HMGCLL1: variants seen among roughly 807,000 people sequenced by gnomAD.
HMGCLL1 encodes the protein 3-hydroxymethyl-3-methylglutaryl-CoA lyase, cytoplasmic.
Under a neutral mutation model 39.1 loss-of-function variants are expected in HMGCLL1, and 36 were observed. The observed-to-expected ratio is 0.92, with a 90% CI of 0.71 to 1.22. The LOEUF is 1.22. HMGCLL1 is among the 50% of genes most tolerant of loss of function. HMGCLL1 has a pLI of 0.00. For missense variants in HMGCLL1, 451 were observed against 416.5 expected (o/e 1.08, Z -0.72); for synonymous variants, 149 against 144.0 (o/e 1.03, Z -0.25).
the HMGCLL1 span, among the ~76,000 whole-genome samples, chr6:55,627,855 T>C: frequency 0.29 from 25,397 of 89,038 alleles, 4,393 homozygotes; most frequent in East Asian, 0.39. Flanking sequence ...CTTGTGATCA[T>C]GTAAGTTAAT....
At chr6:55,451,169 A>G (rs934916838) in intron 7 of HMGCLL1, among the ~76,000 whole-genome samples, 2 of 152,178 alleles carry the variant, frequency 1.3e-5, no homozygotes, top group Admixed American at 6.5e-5. Flanking sequence ...GACAATATCT[A>G]TTCAGGTGGA....
At chr6:55,650,090 CATATATATATATAT>C in the HMGCLL1 span, among the ~76,000 whole-genome samples, 187 of 52,260 alleles carry the variant, frequency 3.6e-3, 11 homozygotes, top group Admixed American at 7.9e-3. Flanking sequence ...CACACATATA[CATATATATATATAT>C]ATATATATAT....
intron 7 of HMGCLL1, among the ~76,000 whole-genome samples, chr6:55,455,788 A>G (rs1394680157): frequency 2.0e-5 from 3 of 152,186 alleles, no homozygotes; most frequent in African/African-American, 7.2e-5. Context: ...ATTAAAAGAC[A>G]ATCTAAAGGT....
At chr6:55,645,421 C>T in the HMGCLL1 span, among the ~76,000 whole-genome samples, 1 of 151,924 alleles carries the variant, frequency 6.6e-6, no homozygotes, top group Non-Finnish European at 1.5e-5. Context: ...CTAGCTAAGA[C>T]TTCCAAGTAC....
chr6:55,583,142 G>A (rs752796013), upstream of HMGCLL1, among the ~76,000 whole-genome samples: 1 of 151,968 alleles, frequency 6.6e-6, no homozygotes, highest in African/African-American at 2.4e-5. Context: ...AAATTTGCAT[G>A]CTTGGTAATT....
chr6:55,490,732 A>G (rs569866256), intron 7 of HMGCLL1, among the ~76,000 whole-genome samples: 7 of 152,298 alleles, frequency 4.6e-5, no homozygotes, highest in African/African-American at 1.7e-4. Context: ...TTTTCCAACT[A>G]TCCATATTAC....
In HMGCLL1 at chr6:55,520,246, TAATAAATAAATA is replaced by T. The variant is rs34163936; in HGVS notation, c.298-3655_298-3644del. Among the ~76,000 whole-genome samples the T allele has an allele frequency of 2.3e-4, 33 of 143,960 alleles. No individual in the cohort carries two copies. In the East Asian group the frequency reaches 4.3e-3, roughly 19 times the overall value. The allele number at this position is 143,960 out of a possible 152,430, so 94.4% of individuals were successfully genotyped here. On this transcript the variant is annotated intron_variant, in intron 3 of 8. Coordinates refer to ENST00000274901, the MANE Select transcript of HMGCLL1 (RefSeq NM_001042406.2). ...ATGTACCCCAGATCTTAAAGTATAATAATAAATAAATAAATAAATAAATAAATAAATAAAAGA... is the reference window on the plus strand; with the variant it reads ...ATGTACCCCAGATCTTAAAGTATAATAATAAATAAATAAATAAATAAAAGA...
the HMGCLL1 span, among the ~76,000 whole-genome samples, chr6:55,619,713 C>A: frequency 0.094 from 14,329 of 152,060 alleles, 776 homozygotes; most frequent in East Asian, 0.17. Flanking sequence ...CAATTATACT[C>A]TTTAAGTCAT....
chr6:55,669,485 T>G, the HMGCLL1 span, among the ~76,000 whole-genome samples: 1 of 151,666 alleles, frequency 6.6e-6, no homozygotes, highest in Admixed American at 6.6e-5. Context: ...ACTTGGATTA[T>G]GAAGAAAAAA....
At chr6:55,592,773 T>C in the HMGCLL1 span, among the ~76,000 whole-genome samples, 1 of 152,194 alleles carries the variant, frequency 6.6e-6, no homozygotes, top group African/African-American at 2.4e-5. Context: ...AAGTGGACAC[T>C]AATTCATGAG....
chr6:55,593,982 T>A, the HMGCLL1 span, among the ~76,000 whole-genome samples: 1 of 152,174 alleles, frequency 6.6e-6, no homozygotes, highest in Admixed American at 6.5e-5. Flanking sequence ...TACTTATATA[T>A]ACTTCCCTCC....
At chr6:55,440,687 G>A (rs752311461) in intron 7 of HMGCLL1, among the ~76,000 whole-genome samples, 36 of 152,190 alleles carry the variant, frequency 2.4e-4, no homozygotes, top group Admixed American at 7.2e-4. Flanking sequence ...GCACCTGGAA[G>A]CAGAGCTCTT....
chr6:55,438,713 T>A (rs1225883636), intron 8 of HMGCLL1, among the ~76,000 whole-genome samples: 1 of 151,982 alleles, frequency 6.6e-6, no homozygotes, highest in African/African-American at 2.4e-5. Context: ...AAAGGAGGAA[T>A]AGGAGCAGCA....
At chr6:55,518,267 G>T (rs937891575) in intron 3 of HMGCLL1, among the ~76,000 whole-genome samples, 1 of 152,096 alleles carries the variant, frequency 6.6e-6, no homozygotes, top group African/African-American at 2.4e-5. Flanking sequence ...AAATATACTG[G>T]TTGTAAATGA....
At chr6:55,533,661 C>T (rs550046614) in intron 3 of HMGCLL1, among the ~76,000 whole-genome samples, 4 of 151,578 alleles carry the variant, frequency 2.6e-5, no homozygotes, top group South Asian at 2.1e-4. Flanking sequence ...CCGAGGCGGG[C>T]GGATCACGAG....
At chr6:55,534,967 A>G (rs1768929202) in intron 3 of HMGCLL1, among the ~76,000 whole-genome samples, 1 of 152,226 alleles carries the variant, frequency 6.6e-6, no homozygotes, top group East Asian at 1.9e-4. Context: ...TGTGGAGTCT[A>G]TGGTTCATGC....
intron 3 of HMGCLL1, among the ~76,000 whole-genome samples, chr6:55,530,346 C>T (rs1261945847): frequency 6.6e-6 from 1 of 151,548 alleles, no homozygotes; most frequent in African/African-American, 2.4e-5. Flanking sequence ...TTAAATTTGT[C>T]CAAGACATTT....
the HMGCLL1 span, among the ~76,000 whole-genome samples, chr6:55,603,892 G>C: frequency 1.3e-5 from 2 of 152,046 alleles, no homozygotes; most frequent in African/African-American, 4.8e-5. Flanking sequence ...TGGTTTTCTC[G>C]CATATTGAAG....
chr6:55,458,896 C>G lies in HMGCLL1; in HGVS notation c.796-19337G>C, dbSNP rs183036456. Reference sequence around the variant, plus strand: ...AGTATGCTATGGGCCAAGGCTGATACGAAGCCATTAACAAATTAATTTGGG... The same window carrying G: ...AGTATGCTATGGGCCAAGGCTGATAGGAAGCCATTAACAAATTAATTTGGG... On this transcript the variant is annotated intron_variant, in intron 7 of 8. Transcript: ENST00000274901. Among the ~76,000 whole-genome samples the G allele has an allele frequency of 3.3e-4, 50 of 152,160 alleles. No individual in the cohort carries two copies. The East Asian group carries it at 9.1e-3, about 28-fold the overall frequency.
Sources: gnomAD v4.1 joint callset for allele counts (sites outside exome capture counted in the v4.1 genomes callset) on GRCh38, gnomAD v4.1.1 for gene constraint, MANE v1.5 for transcripts, NCBI Gene and HGNC (gene_info 2026-07-23, HGNC 2026-07-21) for gene names.